Variants in CCNY observed in about 807,000 individuals in gnomAD.
CCNY encodes the protein cyclin-Y.
CCNY carries 19 observed loss-of-function variants against 42.8 expected under a neutral mutation model. That is an observed-to-expected ratio of 0.44 (90% CI 0.31 to 0.65). The LOEUF (loss-of-function observed/expected upper bound fraction) is 0.65. CCNY is among the 30% of genes least tolerant of loss of function. The pLI is 0.07. For synonymous variants in CCNY, 165 were observed against 162.7 expected, an observed-to-expected ratio of 1.01 and a Z score of -0.11; for missense variants, 370 against 437.3, an observed-to-expected ratio of 0.85 and a Z score of 1.37.
intron 2 of CCNY, among the ~76,000 whole-genome samples, chr10:35,499,156 T>TACAA (rs1840060992): frequency 6.6e-6 from 1 of 152,158 alleles, no homozygotes; most frequent in African/African-American, 2.4e-5. Context: ...GCTTTTGTAT[T>TACAA]AGTATGTTTT....
chr10:35,489,854 A>G (rs1345473157), intron 2 of CCNY, among the ~76,000 whole-genome samples: 3 of 152,242 alleles, frequency 2.0e-5, no homozygotes, highest in East Asian at 3.8e-4. Context: ...AAGTACATCA[A>G]AAAAGGTTTA....
At chr10:35,383,312 C>T (rs1278323558) in intron 1 of CCNY, among the ~76,000 whole-genome samples, 4 of 143,644 alleles carry the variant, frequency 2.8e-5, no homozygotes, top group Non-Finnish European at 4.6e-5. Flanking sequence ...ATTTTCTTTT[C>T]TTTTTTTTTT....
At chr10:35,519,472 G>GT (rs937775624) in intron 4 of CCNY, among the ~76,000 whole-genome samples, 1 of 152,194 alleles carries the variant, frequency 6.6e-6, no homozygotes, top group African/African-American at 2.4e-5. Context: ...GAGGCATACT[G>GT]TGAGTATCTG....
intron 3 of CCNY, among the ~76,000 whole-genome samples, chr10:35,306,149 C>T (rs1246220524): frequency 6.6e-6 from 1 of 152,166 alleles, no homozygotes; most frequent in African/African-American, 2.4e-5. Context: ...ATTCTCCTGC[C>T]TCAGCCTCCT....
chr10:35,453,377 G>A (rs988797478), intron 1 of CCNY, among the ~76,000 whole-genome samples: 4 of 151,996 alleles, frequency 2.6e-5, no homozygotes, highest in East Asian at 1.9e-4. Context: ...GAAATTTTCC[G>A]CTTATTCAGT....
At chr10:35,399,178 G>C (rs778363280) in intron 1 of CCNY, among the ~76,000 whole-genome samples, 2 of 152,118 alleles carry the variant, frequency 1.3e-5, no homozygotes, top group Non-Finnish European at 2.9e-5. Flanking sequence ...TGTGCTTGAC[G>C]GTAAGACAAC....
At chr10:35,405,849 C>G (rs1261059556) in intron 1 of CCNY, among the ~76,000 whole-genome samples, 1 of 152,178 alleles carries the variant, frequency 6.6e-6, no homozygotes, top group Non-Finnish European at 1.5e-5. Context: ...AGTCCAGTTT[C>G]CAGTGGGGTC....
chr10:35,307,482 C>T (rs1835620574), intron 3 of CCNY, among the ~76,000 whole-genome samples: 1 of 152,088 alleles, frequency 6.6e-6, no homozygotes, highest in Non-Finnish European at 1.5e-5. Flanking sequence ...AAACATTAAG[C>T]ACCTATTCCT....
At chr10:35,344,374 C>T (rs1589048001) in intron 1 of CCNY, among the ~76,000 whole-genome samples, 1 of 151,624 alleles carries the variant, frequency 6.6e-6, no homozygotes, top group East Asian at 2.0e-4. Context: ...TCCTCTTCTG[C>T]TTAAAAAAAG....
intron 3 of CCNY, among the ~76,000 whole-genome samples, chr10:35,303,415 G>A (rs1835561490): frequency 6.6e-6 from 1 of 150,712 alleles, no homozygotes; most frequent in Admixed American, 6.6e-5. Context: ...CTCGACCTCA[G>A]GTGATCCTCC....
At chr10:35,426,434 C>G (rs558917882) in intron 1 of CCNY, among the ~76,000 whole-genome samples, 1 of 152,296 alleles carries the variant, frequency 6.6e-6, no homozygotes, top group East Asian at 1.9e-4. Flanking sequence ...ACAGTTCAAA[C>G]TCTGTTTAGT....
intron 7 of CCNY, among the ~76,000 whole-genome samples, chr10:35,543,652 AC>A (rs879575640): frequency 1.0e-3 from 152 of 152,248 alleles, no homozygotes; most frequent in Non-Finnish European, 1.8e-3. Context: ...TAATGTGTTT[AC>A]TATACTATAC....
chr10:35,431,071 T>C (rs1476916391), intron 1 of CCNY, among the ~76,000 whole-genome samples: 1 of 150,978 alleles, frequency 6.6e-6, no homozygotes, highest in Non-Finnish European at 1.5e-5. Context: ...GAGCCGGGAT[T>C]GTGCCACTGC....
At chr10:35,412,695 CA>C (rs397845404) in intron 1 of CCNY, among the ~76,000 whole-genome samples, 245 of 126,108 alleles carry the variant, frequency 1.9e-3, no homozygotes, top group Middle Eastern at 3.9e-3. Context: ...TACTAAAATA[CA>C]AAAAAAAAAA....
chr10:35,320,335 C>G (rs1440951165), intron 3 of CCNY, among the ~76,000 whole-genome samples: 1 of 152,164 alleles, frequency 6.6e-6, no homozygotes, highest in Non-Finnish European at 1.5e-5. Context: ...ATCAACATAC[C>G]TACCATATTA....
intron 7 of CCNY, among the ~76,000 whole-genome samples, chr10:35,531,117 T>C (rs912260047): frequency 6.6e-6 from 1 of 152,262 alleles, no homozygotes; most frequent in African/African-American, 2.4e-5. Context: ...ATGCACTATT[T>C]AGGTCAAATC....
chr10:35,540,792 A>G (rs1460143693), intron 7 of CCNY, among the ~76,000 whole-genome samples: 1 of 152,070 alleles, frequency 6.6e-6, no homozygotes, highest in African/African-American at 2.4e-5. Flanking sequence ...AGCATTACCC[A>G]ATTTGTTGTC....
chr10:35,334,045 G>A (rs1391173703), upstream of CCNY, among the ~76,000 whole-genome samples: 1 of 126,390 alleles, frequency 7.9e-6, no homozygotes, highest in Non-Finnish European at 1.6e-5. Context: ...GGGAAAGAGG[G>A]GGAGGGGGGC....
chr10:35,432,023 G>T (rs1838423743), intron 1 of CCNY, among the ~76,000 whole-genome samples: 1 of 152,214 alleles, frequency 6.6e-6, no homozygotes, highest in African/African-American at 2.4e-5. Flanking sequence ...CACCAGCAAA[G>T]ATAAGGAGGT....
Sources: gnomAD v4.1 joint callset for allele counts (sites outside exome capture counted in the v4.1 genomes callset) on GRCh38, gnomAD v4.1.1 for gene constraint, MANE v1.5 for transcripts, NCBI Gene and HGNC (gene_info 2026-07-23, HGNC 2026-07-21) for gene names.